The following TEX14 variants were observed in gnomAD, a reference collection of about 807,000 sequenced individuals.
The protein encoded by TEX14 is testis expressed 14, intercellular bridge forming factor.
TEX14 carries 168 observed loss-of-function variants against 178.6 expected under a neutral mutation model. The ratio of observed to expected loss-of-function variants is 0.94; its 90% CI spans 0.83 to 1.07. The LOEUF (loss-of-function observed/expected upper bound fraction) is 1.07. Among genes scored for constraint, TEX14 ranks in the 50% least tolerant of loss-of-function variants. The pLI is 0.00. For synonymous variants in TEX14, 626 were observed against 634.1 expected (o/e 0.99, Z 0.19); for missense variants, 1,730 against 1,753.6 (o/e 0.99, Z 0.24).
intron 1 of TEX14, among the ~76,000 whole-genome samples, chr17:58,672,878 C>T (rs548897864): frequency 2.8e-4 from 43 of 151,466 alleles, no homozygotes; most frequent in African/African-American, 1.0e-3. Context: ...ATTACAGATG[C>T]GTGCCACCAT....
In TEX14 at chr17:58,599,051, T is replaced by C; in HGVS notation, c.2294A>G (p.Gln765Arg). 3 of 1,614,200 alleles carry C rather than the reference T, an allele frequency of 1.9e-6. No homozygotes were observed. The highest frequency in any genetic ancestry group is 2.2e-5 in the East Asian group (1 of 44,882). Residue 765 changes from glutamine to arginine, a missense_variant, in exon 14 of 32, where the codon CAG becomes CGG. By Grantham distance (43) the Gln-to-Arg change is conservative. This residue lies in a region of TEX14 where 941 missense variants were observed against 1,072.4 expected (regional missense o/e 0.88). Transcript: ENST00000349033. Reference protein sequence around the residue: ...LDEVEMKQKEQEERMSLWATS... With the variant: ...LDEVEMKQKEREERMSLWATS... Reference sequence around the variant, plus strand: ...GGCCCATAAAGACATGCGCTCTTCCTGTTCCTTCTGTTTCATCTCGACTTC... The same window carrying C: ...GGCCCATAAAGACATGCGCTCTTCCCGTTCCTTCTGTTTCATCTCGACTTC...
At chr17:58,611,108 G>A in intron 10 of TEX14, 53 bp downstream of exon 10, 1 of 1,344,192 alleles carries the variant, frequency 7.4e-7, no homozygotes, top group Non-Finnish European at 1.1e-6. Context: ...TATAGGAAGG[G>A]TCCCCAAGGG....
chr17:58,627,967 C>T (rs1356073919), intron 3 of TEX14, among the ~76,000 whole-genome samples: 1 of 125,754 alleles, frequency 8.0e-6, no homozygotes, highest in African/African-American at 3.1e-5. Flanking sequence ...GTTGCCCAGG[C>T]TAGTCTCAAA....
intron 31 of TEX14, among the ~76,000 whole-genome samples, chr17:58,557,434 C>A (rs1336116215): frequency 6.6e-6 from 1 of 152,012 alleles, no homozygotes; most frequent in East Asian, 1.9e-4. Context: ...CCATGCCCGG[C>A]TAATTTTTGT....
intron 2 of TEX14, among the ~76,000 whole-genome samples, chr17:58,632,170 A>G (rs1213606030): frequency 6.6e-6 from 1 of 152,162 alleles, no homozygotes; most frequent in Non-Finnish European, 1.5e-5. Context: ...CCCGGTTTGG[A>G]CTGATGATCG....
chr17:58,562,544 G>A (rs1384965401), intron 28 of TEX14, among the ~76,000 whole-genome samples: 5 of 151,478 alleles, frequency 3.3e-5, no homozygotes, highest in African/African-American at 4.9e-5. Flanking sequence ...TCGCTCTGTC[G>A]CCCAGGCTGG....
intron 15 of TEX14, 38 bp downstream of exon 15, chr17:58,593,517 G>C (rs1246226221): frequency 6.8e-7 from 1 of 1,472,484 alleles, no homozygotes; most frequent in African/African-American, 1.4e-5. Context: ...GAAGTCTAAA[G>C]GCATAGTGAC....
At chr17:58,612,139 G>C (rs1036102218) in intron 9 of TEX14, among the ~76,000 whole-genome samples, 2 of 152,188 alleles carry the variant, frequency 1.3e-5, no homozygotes, top group Admixed American at 6.5e-5. Context: ...AAGGAAATTT[G>C]AGAGGTGAGA....
At chr17:58,629,852 A>T (rs2046242079) in intron 3 of TEX14, among the ~76,000 whole-genome samples, 1 of 151,404 alleles carries the variant, frequency 6.6e-6, no homozygotes, top group Non-Finnish European at 1.5e-5. Flanking sequence ...AAAAAAAATA[A>T]ATAAATAAAA....
At chr17:58,617,693 T>C in intron 5 of TEX14, 74 bp from the exon 6 acceptor site, 1 of 1,056,720 alleles carries the variant, frequency 9.5e-7, no homozygotes, top group African/African-American at 1.6e-5. Flanking sequence ...CTGAACCAAG[T>C]TTTCAGAAGG....
chr17:58,586,039 G>C lies in TEX14; in HGVS notation c.2832C>G (p.Leu944=). 2.5e-6 allele frequency: 4 copies of C among 1,614,038 alleles called. No individual in the cohort carries two copies. The South Asian group carries it at 4.4e-5, about 18-fold the overall frequency. The change falls in exon 18 of 32, where the codon CTC becomes CTG. Residue 944 remains leucine (L), a synonymous_variant. Transcript: ENST00000349033. ...TCTGAGGATGCCAAGGAGGTACTGT[G>C]AGCTGTCCAGTAGCTGCTTTCTTTG... The part of the protein sequence containing the change: ...EMAKKAATGQ[L]TVPPWHPQSS...
chr17:58,628,834 G>A (rs923929470), intron 3 of TEX14, among the ~76,000 whole-genome samples: 5 of 151,740 alleles, frequency 3.3e-5, no homozygotes, highest in Admixed American at 1.3e-4. Flanking sequence ...GCAGTGAGCC[G>A]TAGTAGCGCC....
At chr17:58,669,121 G>A (rs1345688907) in intron 1 of TEX14, among the ~76,000 whole-genome samples, 1 of 152,110 alleles carries the variant, frequency 6.6e-6, no homozygotes, top group Non-Finnish European at 1.5e-5. Context: ...GGAGGGTGAG[G>A]TGGGCAGATC....
chr17:58,564,868 CCT>C lies in TEX14; in HGVS notation c.4063_4064del (p.Arg1355SerfsTer7), dbSNP rs1460984200. On this transcript the variant is annotated frameshift_variant and splice_region_variant, in exon 28 of 32. Transcript: ENST00000349033. LOFTEE classifies it high-confidence loss of function. ...TTCAACAGTCCAGCTTTTCCTGTTACCTCTCTGTGTCCTCTCCAAGATCTTCA... is the reference window on the plus strand; with the variant it reads ...TTCAACAGTCCAGCTTTTCCTGTTACCTCTGTGTCCTCTCCAAGATCTTCA... Reference protein sequence around the residue: ...ETEDLGEDTERAHSTLDEDLE... With the variant: ...ETEDLGEDTEXAHSTLDEDLE... The C allele has an allele frequency of 2.0e-5, 31 of 1,557,582 alleles. No homozygotes were observed. The highest frequency in any genetic ancestry group is 2.6e-5 in the Non-Finnish European group (30 of 1,143,900).
chr17:58,579,842 C>G (rs2044769435), intron 19 of TEX14, 111 bp from the exon 20 acceptor site: 2 of 856,506 alleles, frequency 2.3e-6, no homozygotes, highest in African/African-American at 1.7e-5. Flanking sequence ...CATAAGATCC[C>G]TGCATCTTTA....
At chr17:58,659,673 T>C (rs928021537) in intron 1 of TEX14, among the ~76,000 whole-genome samples, 5 of 152,188 alleles carry the variant, frequency 3.3e-5, no homozygotes, top group African/African-American at 1.2e-4. Flanking sequence ...CAGGCTCATA[T>C]AATAGAAGTA....
intron 1 of TEX14, among the ~76,000 whole-genome samples, chr17:58,674,462 G>T (rs2047357954): frequency 6.6e-6 from 1 of 152,094 alleles, no homozygotes. Flanking sequence ...TTGAGGTCAG[G>T]AGTTCACAAC....
intron 25 of TEX14, 78 bp downstream of exon 25, chr17:58,570,307 G>T: frequency 2.3e-6 from 2 of 876,744 alleles, no homozygotes; most frequent in Non-Finnish European, 1.7e-6. Context: ...TGAACCTAAT[G>T]TGGCATCAAA....
At chr17:58,558,067 C>G (rs755130323) in intron 30 of TEX14, among the ~76,000 whole-genome samples, 34 of 152,180 alleles carry the variant, frequency 2.2e-4, no homozygotes, top group South Asian at 2.1e-4. Flanking sequence ...GCGCTAATGA[C>G]ACTAATTCAC....
Sources: allele counts gnomAD v4.1 joint callset (sites outside exome capture counted in the v4.1 genomes callset), GRCh38; gene constraint gnomAD v4.1.1; regional missense constraint gnomAD v4.1.1; transcripts MANE v1.5; gene names NCBI Gene and HGNC (gene_info 2026-07-23, HGNC 2026-07-21).